LGALS12: variants seen among roughly 807,000 people sequenced by gnomAD.
LGALS12 encodes the protein galectin 12.
Under a neutral mutation model 36.8 loss-of-function variants are expected in LGALS12, and 36 were observed. That is an observed-to-expected ratio of 0.98 (90% CI 0.75 to 1.29). The LOEUF is 1.29. Among genes scored for constraint, LGALS12 ranks in the 50% most tolerant of loss-of-function variants. LGALS12 has a pLI of 0.00. For synonymous variants in LGALS12, 145 were observed against 155.9 expected (o/e 0.93, Z 0.52); for missense variants, 366 against 394.3 (o/e 0.93, Z 0.61).
intron 5 of LGALS12, 116 bp downstream of exon 5, chr11:63,510,617 G>A (rs558286113): frequency 1.4e-4 from 128 of 940,968 alleles, no homozygotes; most frequent in African/African-American, 1.1e-3. Flanking sequence ...CGGTTGCCAC[G>A]GACATGGCTG....
intron 4 of LGALS12, among the ~76,000 whole-genome samples, chr11:63,510,110 C>T (rs1031118024): frequency 9.9e-5 from 15 of 152,068 alleles, no homozygotes; most frequent in Admixed American, 2.0e-4. Flanking sequence ...GTCCAGGAGC[C>T]GCAGGCAGGA....
chr11:63,509,270 A>T (rs1304149050), intron 3 of LGALS12, among the ~76,000 whole-genome samples: 7 of 152,252 alleles, frequency 4.6e-5, no homozygotes, highest in Non-Finnish European at 1.0e-4. Context: ...TAAGCCCTTA[A>T]AAGTATCTGC....
chr11:63,508,216 A>C, intron 1 of LGALS12: 1 of 1,166,782 alleles, frequency 8.6e-7, no homozygotes, highest in South Asian at 2.1e-5. Context: ...GCTTCTGGGG[A>C]CCAGGGTGAC....
chr11:63,516,642 G>A lies in LGALS12; in HGVS notation c.*249G>A. 1 of 543,116 alleles carries A rather than the reference G, an allele frequency of 1.8e-6. No individual in the cohort carries two copies. 33.6% of individuals were successfully genotyped at this position (543,116 alleles called of 1,614,324 possible). On this transcript the variant is annotated 3_prime_UTR_variant, in exon 9 of 9. Transcript: ENST00000394618. ...ATGGCTCCATCTGCCTTCAGGGCCT[G>A]GACTGCACTCACAGAGGCAAGTGTT...
rs917931478 is a variant in LGALS12, at chr11:63,511,634, C to T, written c.559-118C>T. 8.9e-5 allele frequency: 61 copies of T among 686,696 alleles called. 1 individual carries two copies. The South Asian group carries it at 8.9e-4, about 10-fold the overall frequency. 42.5% of individuals were successfully genotyped at this position (686,696 alleles called of 1,614,324 possible). On this transcript the variant is annotated intron_variant, in intron 6 of 8. Transcript: ENST00000394618. The stretch of plus-strand genomic sequence containing the variant: ...GTGCTTAACAAATAAGCAGCGTGTC[C>T]TGGCGGCAGGCCTGGGCAGAACATG...
Position 63,510,468 on chromosome 11 carries a change from T to C in LGALS12, c.498T>C (p.Phe166=), listed in dbSNP as rs2016883421. The C allele has an allele frequency of 6.2e-7, 1 of 1,614,080 alleles. No individual in the cohort carries two copies. The highest frequency in any genetic ancestry group is 8.5e-7 in the Non-Finnish European group (1 of 1,180,026). ...EAVGFLNINP[F]VEGSREYPAG... The stretch of plus-strand genomic sequence containing the variant: ...TTTTCTCTCTTTCTGAACAGCCATT[T>C]GTGGAGGGCAGCAGAGAGTACCCAG... The change falls in exon 5 of 9, where the codon TTT becomes TTC. Residue 166 remains phenylalanine, a synonymous_variant. Coordinates refer to ENST00000394618, the MANE Select transcript of LGALS12 (RefSeq NM_033101.4).
At chr11:63,513,885 T>A (rs565768580) in intron 7 of LGALS12, among the ~76,000 whole-genome samples, 1 of 152,292 alleles carries the variant, frequency 6.6e-6, no homozygotes, top group South Asian at 2.1e-4. Flanking sequence ...TAGTGATTCA[T>A]GATTATCCAG....
At position 63,506,453 on chromosome 11, in the gene LGALS12, A is replaced by C. The variant is rs983402417; in HGVS notation, c.-6A>C. The C allele has an allele frequency of 1.7e-5, 28 of 1,614,100 alleles. No homozygotes were observed. The highest frequency in any genetic ancestry group is 2.4e-5 in the Non-Finnish European group (28 of 1,180,044). On this transcript the variant is annotated 5_prime_UTR_variant, in exon 1 of 9. Transcript: ENST00000394618. ...GAGGATCTACAGTTGGAGTTGCCCC[A>C]CTGTCATGTCACCTGGAGAAAAACT...
intron 6 of LGALS12, 37 bp from the exon 7 acceptor site, chr11:63,511,715 G>A (rs1344978525): frequency 6.7e-7 from 1 of 1,499,402 alleles, no homozygotes; most frequent in African/African-American, 1.4e-5. Context: ...CAGTCCCCCT[G>A]GAAGTCAACT....
intron 6 of LGALS12, 104 bp downstream of exon 6, chr11:63,511,209 C>T (rs1276716938): frequency 3.5e-6 from 4 of 1,142,262 alleles, no homozygotes; most frequent in Non-Finnish European, 5.2e-6. Flanking sequence ...CAGGATTTCC[C>T]CTTCCTTTAT....
chr11:63,508,289 A>C, intron 1 of LGALS12: 2 of 1,327,364 alleles, frequency 1.5e-6, no homozygotes, highest in Non-Finnish European at 1.9e-6. Flanking sequence ...GAGCTGGGGA[A>C]AGGCAACTGG....
Position 63,506,427 on chromosome 11 carries a change from C to G in LGALS12, c.-32C>G. 4 of 1,614,202 alleles carry G rather than the reference C, an allele frequency of 2.5e-6. No individual in the cohort carries two copies. Among genetic ancestry groups the G allele is most frequent in the Non-Finnish European group, 3.4e-6 (4 of 1,180,024 alleles). On this transcript the variant is annotated 5_prime_UTR_variant, in exon 1 of 9. Transcript: ENST00000394618. ...CCCAGTGGGGGCAGGGCTCCTGGAA[C>G]GAGGATCTACAGTTGGAGTTGCCCC...
chr11:63,507,885 A>G, intron 1 of LGALS12: 1 of 231,942 alleles, frequency 4.3e-6, no homozygotes, highest in Non-Finnish European at 7.1e-6. Flanking sequence ...TTAGAGGTGC[A>G]TGCCACCACA....
chr11:63,508,540 T>C lies in LGALS12; in HGVS notation c.70-13T>C, dbSNP rs763551709. ...CTCCAAACCTGCATGGATGAGTTTC[T>C]TTTCTTGTTCAGGTGGTTCCTTATG... On this transcript the variant is annotated splice_polypyrimidine_tract_variant and intron_variant, in intron 1 of 8. Transcript: ENST00000394618. 3.1e-6 allele frequency: 5 copies of C among 1,614,184 alleles called. No individual in the cohort carries two copies. The highest frequency in any genetic ancestry group is 4.2e-6 in the Non-Finnish European group (5 of 1,180,010).
rs1261103231 is a variant in LGALS12, at chr11:63,516,399, G to A, written c.*6G>A. On this transcript the variant is annotated 3_prime_UTR_variant, in exon 9 of 9. Coordinates refer to ENST00000394618, the MANE Select transcript of LGALS12 (RefSeq NM_033101.4). ...TCTACTGTGTCCACTCCTGAGGATGGTTCCAGGGAAATACCGCCAGAAAAC... is the reference window on the plus strand; with the variant it reads ...TCTACTGTGTCCACTCCTGAGGATGATTCCAGGGAAATACCGCCAGAAAAC... 6.2e-7 allele frequency: 1 copy of A among 1,613,844 alleles called. No homozygotes were observed. Among genetic ancestry groups the A allele is most frequent in the Admixed American group, 1.7e-5 (1 of 60,024 alleles).
intron 7 of LGALS12, among the ~76,000 whole-genome samples, chr11:63,514,045 C>T (rs1229784834): frequency 3.9e-5 from 6 of 152,228 alleles, no homozygotes; most frequent in African/African-American, 1.4e-4. Flanking sequence ...ACGCAGTCCA[C>T]TCTCCAGGGT....
chr11:63,514,461 C>T (rs1306261252), intron 7 of LGALS12, among the ~76,000 whole-genome samples: 1 of 152,162 alleles, frequency 6.6e-6, no homozygotes, highest in Non-Finnish European at 1.5e-5. Flanking sequence ...GTCCCAGCTA[C>T]TCCGGAGGCT....
At chr11:63,512,655 G>A (rs1361066440) in intron 7 of LGALS12, among the ~76,000 whole-genome samples, 1 of 152,054 alleles carries the variant, frequency 6.6e-6, no homozygotes, top group Non-Finnish European at 1.5e-5. Context: ...CGGGCATGGT[G>A]GCGCATGCCT....
In LGALS12 at chr11:63,509,901, A is replaced by G; in HGVS notation, c.492+4A>G. On this transcript the variant is annotated splice_donor_region_variant and intron_variant, in intron 4 of 8. Coordinates refer to ENST00000394618, the MANE Select transcript of LGALS12 (RefSeq NM_033101.4). ...TGTTGGATTCCTGAACATCAATGTAAGTTTCCTTGGGACCAAGGCCTGGGC... is the reference window on the plus strand; with the variant it reads ...TGTTGGATTCCTGAACATCAATGTAGGTTTCCTTGGGACCAAGGCCTGGGC... 6.2e-6 allele frequency: 10 copies of G among 1,613,692 alleles called. No homozygotes were observed. The highest frequency in any genetic ancestry group is 8.5e-6 in the Non-Finnish European group (10 of 1,179,846).
Sources: allele counts gnomAD v4.1 joint callset (sites outside exome capture counted in the v4.1 genomes callset), GRCh38; gene constraint gnomAD v4.1.1; transcripts MANE v1.5; gene names NCBI Gene and HGNC (gene_info 2026-07-23, HGNC 2026-07-21).